The following QTGAL variants were observed in gnomAD, a reference collection of about 807,000 sequenced individuals.
QTGAL encodes the protein queuosine-tRNA galactosyltransferase.
the QTGAL span, chr17:83,014,453 C>T: frequency 2.0e-4 from 321 of 1,613,868 alleles, 1 homozygote; most frequent in African/African-American, 3.6e-3. Flanking sequence ...CCAGTACTTA[C>T]GCTCGACGGG....
the QTGAL span, among the ~76,000 whole-genome samples, chr17:82,965,283 G>T: frequency 6.6e-6 from 1 of 152,120 alleles, no homozygotes; most frequent in Non-Finnish European, 1.5e-5. Context: ...GCACCCCCGG[G>T]GGGAGGATGG....
the QTGAL span, among the ~76,000 whole-genome samples, chr17:82,988,829 G>A: frequency 6.4e-4 from 97 of 152,064 alleles, no homozygotes; most frequent in Non-Finnish European, 1.2e-3. Context: ...TCAGAATGGC[G>A]ATTTTTTAAA....
At chr17:82,944,216 G>A in the QTGAL span, 4 of 152,290 alleles carry the variant, frequency 2.6e-5, no homozygotes, top group South Asian at 6.2e-4. Context: ...TTCTTTTAAT[G>A]TCGGTCTAAC....
At chr17:83,040,514 C>A in the QTGAL span, among the ~76,000 whole-genome samples, 1 of 152,170 alleles carries the variant, frequency 6.6e-6, no homozygotes, top group African/African-American at 2.4e-5. Context: ...CTTGACCCAG[C>A]ATCATGAAAT....
chr17:83,003,922 C>T, the QTGAL span, among the ~76,000 whole-genome samples: 4 of 15,572 alleles, frequency 2.6e-4, no homozygotes, highest in African/African-American at 1.6e-3. Context: ...TCCCGCCCTC[C>T]GCGTGTGGGA....
chr17:83,004,556 C>T, the QTGAL span, among the ~76,000 whole-genome samples: 1 of 86,702 alleles, frequency 1.2e-5, no homozygotes, highest in African/African-American at 4.9e-5. Flanking sequence ...CTGCAGTCCG[C>T]GTGTGGGATT....
the QTGAL span, among the ~76,000 whole-genome samples, chr17:82,973,646 G>C: frequency 8.6e-5 from 13 of 152,046 alleles, no homozygotes; most frequent in Non-Finnish European, 1.8e-4. Context: ...AGGGAACCTG[G>C]TGCAACCGAA....
the QTGAL span, chr17:82,949,476 C>T: frequency 3.9e-5 from 6 of 152,250 alleles, no homozygotes; most frequent in East Asian, 3.9e-4. Context: ...ACAGTGCCAC[C>T]GAGGTGCCCT....
chr17:83,021,338 CAA>C, the QTGAL span, among the ~76,000 whole-genome samples: 16 of 149,434 alleles, frequency 1.1e-4, no homozygotes, highest in African/African-American at 2.0e-4. Flanking sequence ...AAAGAATATG[CAA>C]AAAAAAAACT....
chr17:83,017,530 C>T, the QTGAL span, among the ~76,000 whole-genome samples: 3 of 151,932 alleles, frequency 2.0e-5, no homozygotes, highest in South Asian at 2.1e-4. Flanking sequence ...AGCCGAGGTA[C>T]GAGAATCACT....
the QTGAL span, among the ~76,000 whole-genome samples, chr17:82,964,271 A>AG: frequency 4.0e-5 from 6 of 150,942 alleles, no homozygotes; most frequent in African/African-American, 1.5e-4. Flanking sequence ...AAAAAAAAAA[A>AG]AAAAGGAACA....
chr17:83,040,876 C>T, the QTGAL span, among the ~76,000 whole-genome samples: 1 of 152,016 alleles, frequency 6.6e-6, no homozygotes, highest in Non-Finnish European at 1.5e-5. Flanking sequence ...ACATCCTGGC[C>T]AACACGGTGA....
chr17:82,998,305 G>A, the QTGAL span, among the ~76,000 whole-genome samples: 1 of 152,050 alleles, frequency 6.6e-6, no homozygotes, highest in South Asian at 2.1e-4. Flanking sequence ...TCCATAAAAG[G>A]AAAATAGATA....
At chr17:82,945,585 TAA>T in the QTGAL span, 1 of 152,266 alleles carries the variant, frequency 6.6e-6, no homozygotes, top group Non-Finnish European at 1.5e-5. Context: ...AGAACAAAAT[TAA>T]GTCATTTAGA....
At chr17:82,962,319 T>A in the QTGAL span, among the ~76,000 whole-genome samples, 1 of 152,164 alleles carries the variant, frequency 6.6e-6, no homozygotes. Flanking sequence ...CACGATGACA[T>A]GGAAAGATTT....
chr17:82,958,206 G>C, the QTGAL span, among the ~76,000 whole-genome samples: 1 of 152,242 alleles, frequency 6.6e-6, no homozygotes, highest in South Asian at 2.1e-4. Context: ...GGACGGGCCA[G>C]AAGCTAGAGG....
chr17:83,025,644 G>A, the QTGAL span, among the ~76,000 whole-genome samples: 4 of 146,872 alleles, frequency 2.7e-5, no homozygotes, highest in Non-Finnish European at 4.5e-5. Context: ...CACGGACACC[G>A]CGGAGAGTCC....
At chr17:83,034,203 G>A in the QTGAL span, among the ~76,000 whole-genome samples, 2 of 152,230 alleles carry the variant, frequency 1.3e-5, no homozygotes, top group Non-Finnish European at 2.9e-5. Context: ...GCCTCCCAAA[G>A]TGCTGGGATT....
chr17:83,000,439 G>A, the QTGAL span, among the ~76,000 whole-genome samples: 1 of 152,214 alleles, frequency 6.6e-6, no homozygotes, highest in Non-Finnish European at 1.5e-5. Context: ...GTTTTGTGCA[G>A]TTGTGATTCA....
Sources: allele counts gnomAD v4.1 joint callset (sites outside exome capture counted in the v4.1 genomes callset), GRCh38; gene constraint gnomAD v4.1.1; transcripts MANE v1.5; gene names NCBI Gene and HGNC (gene_info 2026-07-23, HGNC 2026-07-21).